The following CCDC7 variants were observed in gnomAD, a reference collection of about 807,000 sequenced individuals.
CCDC7 encodes the protein coiled-coil domain containing 7.
Under a neutral mutation model 196.9 loss-of-function variants are expected in CCDC7, and 183 were observed. The observed-to-expected ratio is 0.93, with a 90% confidence interval of 0.82 to 1.05. The LOEUF (loss-of-function observed/expected upper bound fraction) is 1.05, where lower values mean the gene tolerates loss of function less well. Ranked by LOEUF, CCDC7 falls within the 50% of genes least tolerant of loss-of-function variation. CCDC7 has a pLI of 0.00. For synonymous variants in CCDC7, 525 were observed against 484.6 expected (o/e 1.08, Z -1.10); for missense variants, 1,540 against 1,482.2 (o/e 1.04, Z -0.64).
intron 28 of CCDC7, among the ~76,000 whole-genome samples, chr10:32,759,322 CA>C (rs1279424612): frequency 6.6e-6 from 1 of 152,156 alleles, no homozygotes. Flanking sequence ...CTGGAGGCAT[CA>C]CGCTACCTGA....
chr10:32,530,738 G>T (rs2049510504), intron 11 of CCDC7, among the ~76,000 whole-genome samples: 1 of 151,908 alleles, frequency 6.6e-6, no homozygotes, highest in Non-Finnish European at 1.5e-5. Context: ...TTACAATTTG[G>T]ATTCCCTTTA....
chr10:32,575,458 G>C (rs1308968604), intron 16 of CCDC7, among the ~76,000 whole-genome samples: 1 of 152,156 alleles, frequency 6.6e-6, no homozygotes, highest in Non-Finnish European at 1.5e-5. Context: ...ATTCCGTAGA[G>C]AAATAGACTT....
At chr10:32,730,544 TAAATA>T (rs2083788513) in intron 28 of CCDC7, among the ~76,000 whole-genome samples, 1 of 151,890 alleles carries the variant, frequency 6.6e-6, no homozygotes. Context: ...TTTATAGTAG[TAAATA>T]AAATAATAAT....
At chr10:32,496,664 A>G (rs750711092) in intron 9 of CCDC7, among the ~76,000 whole-genome samples, 3 of 152,166 alleles carry the variant, frequency 2.0e-5, no homozygotes, top group South Asian at 2.1e-4. Context: ...GGTTTTTGTC[A>G]TTGGTTCTGT....
chr10:32,637,816 T>C (rs1488539516), intron 20 of CCDC7, among the ~76,000 whole-genome samples: 2 of 152,214 alleles, frequency 1.3e-5, no homozygotes, highest in African/African-American at 2.4e-5. Context: ...TAAATTACCT[T>C]GGGCAGTATG....
At chr10:32,669,480 T>C (rs1430034557) in intron 21 of CCDC7, among the ~76,000 whole-genome samples, 1 of 152,112 alleles carries the variant, frequency 6.6e-6, no homozygotes, top group Non-Finnish European at 1.5e-5. Context: ...CTTAAAACAT[T>C]GGGTAGAATT....
At chr10:32,541,660 G>T (rs1005171178) in intron 11 of CCDC7, among the ~76,000 whole-genome samples, 1 of 152,196 alleles carries the variant, frequency 6.6e-6, no homozygotes, top group Admixed American at 6.5e-5. Flanking sequence ...CTTTACTGAG[G>T]CAGTGACATT....
chr10:32,626,057 C>T (rs764795681), intron 18 of CCDC7, among the ~76,000 whole-genome samples: 2 of 151,968 alleles, frequency 1.3e-5, no homozygotes, highest in African/African-American at 2.4e-5. Flanking sequence ...CTTTGACAAA[C>T]GGGTTTTAAA....
chr10:32,873,782 T>A (rs1439202613), intron 41 of CCDC7, among the ~76,000 whole-genome samples: 1 of 151,856 alleles, frequency 6.6e-6, no homozygotes, highest in Non-Finnish European at 1.5e-5. Flanking sequence ...AAATTTATGT[T>A]TAATTTTTAG....
intron 28 of CCDC7, among the ~76,000 whole-genome samples, chr10:32,759,980 A>G (rs1428729510): frequency 1.3e-5 from 2 of 152,170 alleles, no homozygotes; most frequent in African/African-American, 2.4e-5. Flanking sequence ...TGCAGCCAAA[A>G]AACACATGAA....
intron 24 of CCDC7, among the ~76,000 whole-genome samples, chr10:32,705,326 C>T (rs2079531014): frequency 6.6e-6 from 1 of 152,080 alleles, no homozygotes; most frequent in Non-Finnish European, 1.5e-5. Context: ...AAGCGCTAAA[C>T]ATGGAAAGGA....
chr10:32,844,716 T>A (rs1167423785), intron 33 of CCDC7, among the ~76,000 whole-genome samples: 3 of 151,858 alleles, frequency 2.0e-5, no homozygotes, highest in Admixed American at 6.6e-5. Context: ...TTTGTCATTA[T>A]CTTGATGTGG....
chr10:32,516,422 G>C (rs180865017), intron 9 of CCDC7, among the ~76,000 whole-genome samples: 1 of 152,076 alleles, frequency 6.6e-6, no homozygotes, highest in African/African-American at 2.4e-5. Flanking sequence ...CAAGTTGCTG[G>C]GACTACAGGC....
intron 5 of CCDC7, among the ~76,000 whole-genome samples, chr10:32,463,915 T>C (rs1174639080): frequency 6.6e-6 from 1 of 152,214 alleles, no homozygotes; most frequent in Non-Finnish European, 1.5e-5. Flanking sequence ...TAGAGGTCAT[T>C]ATCCTTCCAG....
intron 11 of CCDC7, among the ~76,000 whole-genome samples, chr10:32,534,757 G>T (rs2050206499): frequency 6.6e-6 from 1 of 151,950 alleles, no homozygotes; most frequent in Admixed American, 6.6e-5. Flanking sequence ...TCTACGATGT[G>T]GTCCTGCTGA....
chr10:32,643,495 A>T (rs1175820248), intron 20 of CCDC7, among the ~76,000 whole-genome samples: 2 of 152,052 alleles, frequency 1.3e-5, no homozygotes, highest in Admixed American at 1.3e-4. Context: ...TCAATGTTTT[A>T]ATTTAAAATT....
At chr10:32,828,589 C>G (rs1023625499) in intron 32 of CCDC7, among the ~76,000 whole-genome samples, 7 of 151,560 alleles carry the variant, frequency 4.6e-5, no homozygotes, top group African/African-American at 1.7e-4. Flanking sequence ...GCAGTGGACT[C>G]ATGCTCTTGG....
chr10:32,451,688 A>G lies in CCDC7; in HGVS notation c.46A>G (p.Asn16Asp), dbSNP rs1405835617. Residue 16 changes from asparagine (N) to aspartate (D), a missense_variant, in exon 1 of 42, where the codon AAT becomes GAT. Asn to Asp is a conservative substitution (Grantham distance 23, BLOSUM62 1). Transcript: ENST00000639629. ...GTTGACCACCAGTAACAAATCGGCA[A>G]ATGTTCCAGCATTAACTACTAAAAA... is the stretch of plus-strand genomic sequence containing the variant. The G allele has an allele frequency of 3.1e-6, 5 of 1,612,470 alleles. No homozygotes were observed. The South Asian group carries it at 3.3e-5, about 11-fold the overall frequency.
rs533349513 is a variant in CCDC7, at chr10:32,459,531, T to C, written c.457-3152T>C. 4.8e-4 allele frequency among the ~76,000 whole-genome samples: 73 copies of C among 152,162 alleles called. 1 individual carries two copies. In the South Asian group the frequency reaches 0.015, roughly 31 times the overall value. On this transcript the variant is annotated intron_variant, in intron 3 of 41. Coordinates refer to ENST00000639629, the Ensembl canonical transcript of CCDC7. ...GTTAAAATACCACACAGTTCTCTTG[T>C]GGTGTTCAAGCCACATTTTATTGAT...
Sources: gnomAD v4.1 joint callset for allele counts (sites outside exome capture counted in the v4.1 genomes callset) on GRCh38, gnomAD v4.1.1 for gene constraint, MANE v1.5 for transcripts, NCBI Gene and HGNC (gene_info 2026-07-23, HGNC 2026-07-21) for gene names.